Variants in SLC4A5 observed in about 807,000 individuals in gnomAD.
SLC4A5 encodes the protein solute carrier family 4 member 5.
Under a neutral mutation model 120.4 loss-of-function variants are expected in SLC4A5, and 96 were observed. That is an observed-to-expected ratio of 0.80 (90% CI 0.68 to 0.94). SLC4A5 has a LOEUF of 0.94. SLC4A5 is among the 40% of genes least tolerant of loss of function. The probability of loss-of-function intolerance (pLI) is 0.00; values close to 1 mark genes in which losing one functional copy is unlikely to be tolerated. For missense variants in SLC4A5, 1,259 were observed against 1,459.5 expected, an observed-to-expected ratio of 0.86 and a Z score of 2.24; for synonymous variants, 550 against 571.1, an observed-to-expected ratio of 0.96 and a Z score of 0.53.
intron 12 of SLC4A5, among the ~76,000 whole-genome samples, chr2:74,256,808 A>T (rs183902810): frequency 1.8e-3 from 269 of 152,338 alleles, no homozygotes; most frequent in Non-Finnish European, 3.1e-3. Context: ...CAGCAAGGGC[A>T]TGGACAGACA....
intron 2 of SLC4A5, among the ~76,000 whole-genome samples, chr2:74,341,548 A>C (rs975565233): frequency 6.6e-6 from 1 of 152,184 alleles, no homozygotes; most frequent in South Asian, 2.1e-4. Flanking sequence ...AAGTGCCTCA[A>C]ATTTACACAG....
chr2:74,341,401 T>C (rs1217498748), intron 2 of SLC4A5, among the ~76,000 whole-genome samples: 2 of 152,058 alleles, frequency 1.3e-5, no homozygotes, highest in Non-Finnish European at 2.9e-5. Context: ...GTTTGTTCAA[T>C]GGAACAGTGC....
In SLC4A5 at chr2:74,235,085, AG is replaced by A. The variant is rs758023917; in HGVS notation, c.2433+15del. On this transcript the variant is annotated intron_variant, in intron 22 of 30. Transcript: ENST00000394019. ...GCAGGCAGACTGGATGCCCAGAGCG[AG>A]GGAAAGGGGCAAACCTTGATGACAC... 13 of 1,601,372 alleles carry A rather than the reference AG, an allele frequency of 8.1e-6. No individual in the cohort carries two copies. The highest frequency in any genetic ancestry group is 1.1e-5 in the Non-Finnish European group (13 of 1,168,760).
chr2:74,310,610 C>G (rs947587398), intron 6 of SLC4A5, among the ~76,000 whole-genome samples: 1 of 152,072 alleles, frequency 6.6e-6, no homozygotes, highest in Non-Finnish European at 1.5e-5. Flanking sequence ...TCTTAATTGA[C>G]TTTTGAATAC....
At chr2:74,329,756 C>T (rs1223167542) in intron 4 of SLC4A5, among the ~76,000 whole-genome samples, 4 of 150,482 alleles carry the variant, frequency 2.7e-5, no homozygotes, top group African/African-American at 4.9e-5. Flanking sequence ...GAGGTATTGA[C>T]GGTGGTGTAA....
At chr2:74,225,683 C>T (rs1352078634) in intron 27 of SLC4A5, among the ~76,000 whole-genome samples, 1 of 152,204 alleles carries the variant, frequency 6.6e-6, no homozygotes, top group Non-Finnish European at 1.5e-5. Flanking sequence ...ATACACAAAT[C>T]ACTGGATTCC....
intron 25 of SLC4A5, among the ~76,000 whole-genome samples, chr2:74,229,259 T>TG (rs34872093): frequency 0.26 from 37,745 of 145,132 alleles, 5,629 homozygotes; most frequent in Middle Eastern, 0.37. Context: ...TTTTTTTTTT[T>TG]GGGGGGGGCA....
chr2:74,229,999 T>C (rs1695005598), intron 25 of SLC4A5, among the ~76,000 whole-genome samples: 1 of 151,152 alleles, frequency 6.6e-6, no homozygotes, highest in Admixed American at 6.6e-5. Context: ...ATGCCTCACA[T>C]GTACCATCGT....
chr2:74,227,413 G>A, intron 26 of SLC4A5: 1 of 1,472,012 alleles, frequency 6.8e-7, no homozygotes, highest in Non-Finnish European at 9.2e-7. Flanking sequence ...AACACAAACT[G>A]TTTAAGAATT....
At chr2:74,232,298 T>G (rs1273461830) in intron 24 of SLC4A5, among the ~76,000 whole-genome samples, 171 bp downstream of exon 24, 1 of 152,190 alleles carries the variant, frequency 6.6e-6, no homozygotes, top group Non-Finnish European at 1.5e-5. Flanking sequence ...GCTGGACTTC[T>G]GTCTCTCTCC....
chr2:74,315,214 T>G (rs896963901), intron 5 of SLC4A5, among the ~76,000 whole-genome samples, 189 bp from the exon 6 acceptor site: 1 of 151,124 alleles, frequency 6.6e-6, no homozygotes, highest in Non-Finnish European at 1.5e-5. Flanking sequence ...CTGAGGCGGG[T>G]GGATCACCTG....
At chr2:74,231,111 CTG>C (rs1476935978) in intron 25 of SLC4A5, 123 bp downstream of exon 25, 12 of 840,794 alleles carry the variant, frequency 1.4e-5, no homozygotes, top group Non-Finnish European at 2.2e-5. Context: ...CCGGCCAAGA[CTG>C]TGCCTTTCTT....
chr2:74,247,662 C>T (rs1389965172), intron 18 of SLC4A5, among the ~76,000 whole-genome samples: 1 of 151,922 alleles, frequency 6.6e-6, no homozygotes, highest in Admixed American at 6.6e-5. Context: ...TTACAGGCAC[C>T]CGCCGCCACG....
At chr2:74,242,102 G>C in intron 19 of SLC4A5, 50 bp from the exon 20 acceptor site, 8 of 1,554,124 alleles carry the variant, frequency 5.1e-6, no homozygotes, top group Non-Finnish European at 7.0e-6. Flanking sequence ...GTGGGGCTGG[G>C]AGCTGCATTC....
At chr2:74,312,752 G>T (rs1274856471) in intron 6 of SLC4A5, among the ~76,000 whole-genome samples, 2 of 152,024 alleles carry the variant, frequency 1.3e-5, no homozygotes, top group Non-Finnish European at 2.9e-5. Context: ...GGCCAACATG[G>T]CGAAATCTCA....
At chr2:74,222,353 C>G (rs13412107) in intron 29 of SLC4A5, among the ~76,000 whole-genome samples, 2 of 152,178 alleles carry the variant, frequency 1.3e-5, no homozygotes, top group African/African-American at 4.8e-5. Flanking sequence ...TTAGTCGAGT[C>G]TGCAGGCTTT....
At chr2:74,274,100 T>A (rs951520570) in intron 8 of SLC4A5, among the ~76,000 whole-genome samples, 4 of 152,258 alleles carry the variant, frequency 2.6e-5, no homozygotes, top group African/African-American at 9.6e-5. Context: ...TATTATCTCA[T>A]CTAATCCTTA....
intron 7 of SLC4A5, among the ~76,000 whole-genome samples, chr2:74,291,757 A>G (rs1672179956): frequency 6.6e-6 from 1 of 152,236 alleles, no homozygotes; most frequent in Non-Finnish European, 1.5e-5. Context: ...GGTGTGAGCC[A>G]TCACACGTGG....
intron 7 of SLC4A5, chr2:74,290,587 T>G: frequency 1.1e-6 from 1 of 936,388 alleles, no homozygotes; most frequent in Non-Finnish European, 1.3e-6. Context: ...ATTAAAGATC[T>G]GAGAGAGAGA....
Sources: gnomAD v4.1 joint callset for allele counts (sites outside exome capture counted in the v4.1 genomes callset) on GRCh38, gnomAD v4.1.1 for gene constraint, MANE v1.5 for transcripts, NCBI Gene and HGNC (gene_info 2026-07-23, HGNC 2026-07-21) for gene names.